FAF2: variants seen among roughly 807,000 people sequenced by gnomAD.
FAF2 encodes the protein Fas associated factor family member 2.
In FAF2, 9 loss-of-function variants were observed where a neutral mutation model predicts 62.3. The ratio of observed to expected loss-of-function variants is 0.14; its 90% CI spans 0.09 to 0.25. The LOEUF (loss-of-function observed/expected upper bound fraction) is 0.25, where lower values mean the gene tolerates loss of function less well. Ranked by LOEUF, FAF2 falls within the 10% of genes least tolerant of loss-of-function variation. The probability of loss-of-function intolerance (pLI) is 1.00; values close to 1 mark genes in which losing one functional copy is unlikely to be tolerated. For missense variants in FAF2, 368 were observed against 556.2 expected (o/e 0.66, Z 3.40); for synonymous variants, 202 against 198.0 (o/e 1.02, Z -0.17).
At chr5:176,464,787 A>T (rs1444433552) in intron 1 of FAF2, among the ~76,000 whole-genome samples, 3 of 150,136 alleles carry the variant, frequency 2.0e-5, no homozygotes, top group African/African-American at 7.4e-5. Context: ...TGAAGTTGTG[A>T]GGTTAAATTT....
intron 1 of FAF2, among the ~76,000 whole-genome samples, chr5:176,470,212 T>C (rs1758540443): frequency 6.6e-6 from 1 of 152,194 alleles, no homozygotes. Context: ...GTAAACCAGT[T>C]GTATTACTAA....
intron 1 of FAF2, among the ~76,000 whole-genome samples, chr5:176,471,608 C>T (rs923841289): frequency 2.6e-5 from 4 of 151,328 alleles, no homozygotes; most frequent in African/African-American, 9.7e-5. Context: ...GTCTCGAACT[C>T]CTGACCTCAG....
intron 4 of FAF2, among the ~76,000 whole-genome samples, chr5:176,491,575 G>A (rs1288845446): frequency 6.6e-6 from 1 of 152,122 alleles, no homozygotes; most frequent in Non-Finnish European, 1.5e-5. Flanking sequence ...AAAATCCCAG[G>A]AAAACAGAAA....
intron 2 of FAF2, among the ~76,000 whole-genome samples, chr5:176,484,120 T>A (rs770704073): frequency 6.6e-6 from 1 of 151,976 alleles, no homozygotes; most frequent in Non-Finnish European, 1.5e-5. Context: ...TAAAAGGATT[T>A]TGGACATGAA....
chr5:176,466,689 T>C (rs949427805), intron 1 of FAF2, among the ~76,000 whole-genome samples: 4 of 152,226 alleles, frequency 2.6e-5, no homozygotes, highest in African/African-American at 9.6e-5. Context: ...TGCAAGTGAC[T>C]GACACCTTCT....
intron 2 of FAF2, 96 bp from the exon 3 acceptor site, chr5:176,486,259 T>C: frequency 1.3e-6 from 2 of 1,486,096 alleles, no homozygotes; most frequent in Non-Finnish European, 1.8e-6. Flanking sequence ...TTCATGACCA[T>C]CCTGTTTTGG....
At chr5:176,466,980 C>T (rs904823675) in intron 1 of FAF2, among the ~76,000 whole-genome samples, 4 of 152,122 alleles carry the variant, frequency 2.6e-5, no homozygotes, top group Non-Finnish European at 5.9e-5. Context: ...TAATTAAATG[C>T]AGTGCTCTCC....
chr5:176,472,108 T>C (rs1758581324), intron 1 of FAF2, among the ~76,000 whole-genome samples: 1 of 152,116 alleles, frequency 6.6e-6, no homozygotes, highest in African/African-American at 2.4e-5. Context: ...CAGACATCTG[T>C]AGGGTTTTAA....
intron 1 of FAF2, among the ~76,000 whole-genome samples, chr5:176,472,923 AGTTTT>A (rs1758599810): frequency 6.6e-6 from 1 of 151,852 alleles, no homozygotes; most frequent in Admixed American, 6.6e-5. Flanking sequence ...CCCTCCTTCA[AGTTTT>A]GTTTTACTTT....
At position 176,494,199 on chromosome 5, in the gene FAF2, A is replaced by C; in HGVS notation, c.585A>C (p.Ala195=). The change falls in exon 7 of 11, where the codon GCA becomes GCC. Residue 195 remains alanine (A), a synonymous_variant. Transcript: ENST00000261942. This position sits in a 1 kb window ranked among gnomAD's most constrained non-coding sequence, Gnocchi z 4.0. ...CTTTCCACAGCAACACACTCTGTGCACCTGAAGTTATTTCACTAATAAACA... is the reference window on the plus strand; with the variant it reads ...CTTTCCACAGCAACACACTCTGTGCCCCTGAAGTTATTTCACTAATAAACA... The part of the protein sequence containing the change: ...SDEFCRNTLC[A]PEVISLINTR... The C allele has an allele frequency of 6.2e-7, 1 of 1,614,142 alleles. No individual in the cohort carries two copies. The highest frequency in any genetic ancestry group is 8.5e-7 in the Non-Finnish European group (1 of 1,180,006).
At chr5:176,469,485 G>T (rs932163026) in intron 1 of FAF2, among the ~76,000 whole-genome samples, 1 of 152,166 alleles carries the variant, frequency 6.6e-6, no homozygotes, top group African/African-American at 2.4e-5. Context: ...AACAAAGCTG[G>T]CATTGCAAAA....
intron 10 of FAF2, among the ~76,000 whole-genome samples, chr5:176,500,676 G>T (rs1177382565): frequency 1.3e-5 from 2 of 152,220 alleles, no homozygotes; most frequent in Non-Finnish European, 2.9e-5. Context: ...CCATGTGATA[G>T]TGTTTGTCAT....
Position 176,509,841 on chromosome 5 carries a change from CA to C in FAF2, c.*2892del, listed in dbSNP as rs1351086720. The C allele has an allele frequency of 1.3e-5, 2 of 152,608 alleles. No individual in the cohort carries two copies. Among genetic ancestry groups the C allele is most frequent in the Non-Finnish European group, 1.5e-5 (1 of 68,040 alleles). 9.5% of individuals were successfully genotyped at this position (152,608 alleles called of 1,614,324 possible). On this transcript the variant is annotated 3_prime_UTR_variant, in exon 11 of 11. Coordinates refer to ENST00000261942, the MANE Select transcript of FAF2 (RefSeq NM_014613.3). ...AACCCCCAGAATGCAAAATCAGGGG[CA>C]TCATTATCCGGTGCTTGAACAAGGA... is the stretch of plus-strand genomic sequence containing the variant.
chr5:176,491,690 C>G (rs1483916304), intron 4 of FAF2, among the ~76,000 whole-genome samples: 1 of 152,130 alleles, frequency 6.6e-6, no homozygotes, highest in African/African-American at 2.4e-5. Context: ...CTCCGCTGTT[C>G]AGTATGAAAG....
intron 1 of FAF2, among the ~76,000 whole-genome samples, chr5:176,478,441 T>C (rs1284410452): frequency 1.3e-5 from 2 of 151,906 alleles, no homozygotes; most frequent in Non-Finnish European, 1.5e-5. Flanking sequence ...ATTGCGCTAT[T>C]GCACTCCAAA....
At chr5:176,479,732 C>T (rs541511861) in intron 2 of FAF2, among the ~76,000 whole-genome samples, 6 of 151,796 alleles carry the variant, frequency 4.0e-5, no homozygotes, top group Admixed American at 3.3e-4. Flanking sequence ...AGTCTCGCTC[C>T]GTCTCCCAGG....
At position 176,507,062 on chromosome 5, in the gene FAF2, T is replaced by A; in HGVS notation, c.*112T>A. The A allele has an allele frequency of 3.4e-6, 2 of 579,910 alleles. No homozygotes were observed. The highest frequency in any genetic ancestry group is 5.0e-6 in the Non-Finnish European group (2 of 403,698). 35.9% of individuals were successfully genotyped at this position (579,910 alleles called of 1,614,324 possible). On this transcript the variant is annotated 3_prime_UTR_variant, in exon 11 of 11. Transcript: ENST00000261942. ...AAGAGAGAGAAATTCATATTATTAT[T>A]ATTATTATAATACAATATTTTTTTT...
chr5:176,455,559 G>A (rs1228336407), intron 1 of FAF2, among the ~76,000 whole-genome samples: 1 of 152,180 alleles, frequency 6.6e-6, no homozygotes, highest in Non-Finnish European at 1.5e-5. Context: ...AGACCAGCCT[G>A]GCCAACATGG....
intron 10 of FAF2, among the ~76,000 whole-genome samples, chr5:176,503,472 T>G (rs1755627603): frequency 6.6e-6 from 1 of 151,846 alleles, no homozygotes; most frequent in Non-Finnish European, 1.5e-5. Flanking sequence ...GCAGAATCGC[T>G]TGAACCTGGG....
Sources: gnomAD v4.1 joint callset for allele counts (sites outside exome capture counted in the v4.1 genomes callset) on GRCh38, gnomAD v4.1.1 for gene constraint, Gnocchi (gnomAD v3.1) non-coding constraint, MANE v1.5 for transcripts, NCBI Gene and HGNC (gene_info 2026-07-23, HGNC 2026-07-21) for gene names.